The following GRM1 variants were observed in gnomAD, a reference collection of about 807,000 sequenced individuals.
The protein encoded by GRM1 is metabotropic glutamate receptor 1.
Under a neutral mutation model 90.9 loss-of-function variants are expected in GRM1, and 33 were observed. The ratio of observed to expected loss-of-function variants is 0.36; its 90% CI spans 0.28 to 0.49. The LOEUF (loss-of-function observed/expected upper bound fraction) is 0.49, where lower values mean the gene tolerates loss of function less well. GRM1 is among the 20% of genes least tolerant of loss of function. GRM1 has a pLI of 0.99. For missense variants in GRM1, 1,190 were observed against 1,534.3 expected (o/e 0.78, Z 3.75); for synonymous variants, 700 against 613.2 (o/e 1.14, Z -2.09).
intron 1 of GRM1, among the ~76,000 whole-genome samples, chr6:146,127,277 T>C (rs962917198): frequency 1.1e-4 from 17 of 152,032 alleles, no homozygotes; most frequent in African/African-American, 3.9e-4. Context: ...AAGAGAGGGG[T>C]TATGTACCTG....
intron 2 of GRM1, among the ~76,000 whole-genome samples, 185 bp from the exon 3 acceptor site, chr6:146,304,426 A>G (rs1268767504): frequency 1.3e-5 from 2 of 152,184 alleles, no homozygotes; most frequent in African/African-American, 4.8e-5. Flanking sequence ...AAAACAAAGA[A>G]ACAAACAGGA....
At chr6:146,213,206 A>T (rs1779739307) in intron 2 of GRM1, among the ~76,000 whole-genome samples, 1 of 152,188 alleles carries the variant, frequency 6.6e-6, no homozygotes, top group South Asian at 2.1e-4. Context: ...ATGAAAGATA[A>T]GAAGTGAGAT....
In GRM1 at chr6:146,265,965, C is replaced by T. The variant is rs535567394; in HGVS notation, c.951-38646C>T. Among the ~76,000 whole-genome samples the T allele has an allele frequency of 4.9e-3, 744 of 152,120 alleles. 7 individuals carry two copies. Among genetic ancestry groups the T allele is most frequent in the African/African-American group, 0.017 (690 of 41,488 alleles). ...CAGCACTTTGGGAGGCCGAGGTGGG[C>T]GGATCACAAGGTCAGGAGAGCGAGA... is the stretch of plus-strand genomic sequence containing the variant. On this transcript the variant is annotated intron_variant, in intron 2 of 7. Coordinates refer to ENST00000282753, the MANE Select transcript of GRM1 (RefSeq NM_001278064.2).
At chr6:146,421,169 G>A (rs1283008041) in intron 7 of GRM1, among the ~76,000 whole-genome samples, 1 of 152,054 alleles carries the variant, frequency 6.6e-6, no homozygotes, top group African/African-American at 2.4e-5. Context: ...ACCAATTCTA[G>A]TTCTAAGTAA....
intron 2 of GRM1, among the ~76,000 whole-genome samples, chr6:146,302,157 A>G (rs1483466777): frequency 6.6e-6 from 1 of 151,340 alleles, no homozygotes; most frequent in Non-Finnish European, 1.5e-5. Context: ...GGAACCTTCT[A>G]TACCAAACCC....
intron 2 of GRM1, among the ~76,000 whole-genome samples, chr6:146,192,908 A>G (rs764950041): frequency 1.3e-5 from 2 of 152,110 alleles, no homozygotes; most frequent in African/African-American, 2.4e-5. Context: ...CTATCATCCA[A>G]GTGAGTGATT....
chr6:146,091,342 C>A (rs1776709619), intron 1 of GRM1, among the ~76,000 whole-genome samples: 1 of 151,856 alleles, frequency 6.6e-6, no homozygotes, highest in African/African-American at 2.4e-5. Flanking sequence ...GAGTGAGTGC[C>A]CCTCCTAATA....
Position 146,399,327 on chromosome 6 carries a change from T to C in GRM1, c.2288T>C (p.Leu763Pro). 1.9e-6 allele frequency: 3 copies of C among 1,614,188 alleles called. No individual in the cohort carries two copies. Among genetic ancestry groups the C allele is most frequent in the Non-Finnish European group, 2.5e-6 (3 of 1,180,026 alleles). Reference protein sequence around the residue: ...VVAPLGYNGLLIMSCTYYAFK... With the variant: ...VVAPLGYNGLPIMSCTYYAFK... ...GCCCCTTTGGGCTACAATGGACTCC[T>C]CATCATGAGCTGTACCTACTATGCC... is the stretch of plus-strand genomic sequence containing the variant. The change falls in exon 7 of 8, where the codon CTC (leucine) becomes CCC (proline). Residue 763 changes from leucine to proline, a missense_variant. Transcript: ENST00000282753. This position sits in a 1 kb window ranked among gnomAD's most constrained non-coding sequence, Gnocchi z 5.4.
At chr6:146,168,844 A>G (rs996619611) in intron 2 of GRM1, among the ~76,000 whole-genome samples, 1 of 152,046 alleles carries the variant, frequency 6.6e-6, no homozygotes, top group African/African-American at 2.4e-5. Context: ...TGTTTCTCTA[A>G]TATGTATTAT....
chr6:146,368,260 T>TTG (rs1491160990), intron 5 of GRM1, among the ~76,000 whole-genome samples: 8,193 of 115,566 alleles, frequency 0.071, 528 homozygotes, highest in African/African-American at 0.13. Flanking sequence ...AGTTTTTTTT[T>TTG]GGGGGGGGGG....
intron 7 of GRM1, among the ~76,000 whole-genome samples, chr6:146,415,957 T>C (rs919724745): frequency 6.6e-6 from 1 of 152,220 alleles, no homozygotes; most frequent in East Asian, 1.9e-4. Context: ...TTGTCCTCTA[T>C]ATAGACTACT....
At chr6:146,414,485 G>T (rs975059477) in intron 7 of GRM1, among the ~76,000 whole-genome samples, 9 of 151,772 alleles carry the variant, frequency 5.9e-5, no homozygotes, top group Admixed American at 2.0e-4. Context: ...CGCACTGCAA[G>T]CTCCGCCTCC....
intron 3 of GRM1, 137 bp downstream of exon 3, chr6:146,304,983 T>C: frequency 7.0e-6 from 5 of 719,002 alleles, no homozygotes; most frequent in Non-Finnish European, 1.2e-5. Flanking sequence ...TATAAAATGC[T>C]AGAATAAGGA....
intron 1 of GRM1, among the ~76,000 whole-genome samples, chr6:146,159,009 A>T (rs561314530): frequency 6.6e-6 from 1 of 152,184 alleles, no homozygotes; most frequent in African/African-American, 2.4e-5. Flanking sequence ...TGACCTCCCT[A>T]GTCCAATGCA....
rs553339437 is a variant in GRM1, at chr6:146,348,125, T to C, written c.1187-4125T>C. Among the ~76,000 whole-genome samples the C allele has an allele frequency of 7.2e-5, 11 of 152,310 alleles. No individual in the cohort carries two copies. The South Asian group carries it at 1.4e-3, about 20-fold the overall frequency. On this transcript the variant is annotated intron_variant, in intron 3 of 7. Transcript: ENST00000282753. ...AATAAAGTACCACAGAAAATGATCA[T>C]AAAATTTCCTTCTCACTAATAACTC...
chr6:146,366,296 A>G (rs942923256), intron 5 of GRM1, among the ~76,000 whole-genome samples: 9 of 152,204 alleles, frequency 5.9e-5, no homozygotes, highest in African/African-American at 2.2e-4. Context: ...AATCTGGGTC[A>G]GTGGGATATC....
chr6:146,337,300 T>C (rs1784809447), intron 3 of GRM1, among the ~76,000 whole-genome samples: 1 of 152,216 alleles, frequency 6.6e-6, no homozygotes, highest in Non-Finnish European at 1.5e-5. Flanking sequence ...TCAGGAATGC[T>C]TTTACTTCTC....
chr6:146,180,036 C>G (rs1384605502), intron 2 of GRM1, among the ~76,000 whole-genome samples: 1 of 151,900 alleles, frequency 6.6e-6, no homozygotes, highest in Non-Finnish European at 1.5e-5. Context: ...GTGGCCCCAG[C>G]TACTAGGGAA....
chr6:146,031,403 A>T (rs1022055499), intron 1 of GRM1, among the ~76,000 whole-genome samples: 3 of 152,174 alleles, frequency 2.0e-5, no homozygotes, highest in Admixed American at 6.5e-5. Flanking sequence ...ATATTTCCAT[A>T]ATATTCAGTT....
Sources: gnomAD v4.1 joint callset for allele counts (sites outside exome capture counted in the v4.1 genomes callset) on GRCh38, gnomAD v4.1.1 for gene constraint, Gnocchi (gnomAD v3.1) non-coding constraint, MANE v1.5 for transcripts, NCBI Gene and HGNC (gene_info 2026-07-23, HGNC 2026-07-21) for gene names.